RSU1: variants seen among roughly 807,000 people sequenced by gnomAD.
RSU1 encodes rsu-1.
A neutral mutation model predicts 31.1 loss-of-function variants in RSU1; 26 were observed. The observed-to-expected ratio is 0.84, with a 90% confidence interval of 0.61 to 1.16. The LOEUF is 1.16. Among genes scored for constraint, RSU1 ranks in the 50% most tolerant of loss-of-function variants. The pLI is 0.00. For synonymous variants in RSU1, 164 were observed against 136.3 expected, an observed-to-expected ratio of 1.20 and a Z score of -1.41; for missense variants, 320 against 339.1, an observed-to-expected ratio of 0.94 and a Z score of 0.44.
chr10:16,641,652 T>C (rs982970577), intron 8 of RSU1, among the ~76,000 whole-genome samples: 4 of 152,160 alleles, frequency 2.6e-5, no homozygotes, highest in Admixed American at 2.6e-4. Flanking sequence ...CAGGCCAGAT[T>C]TCCATTGCCA....
chr10:16,745,347 G>C (rs1836829279), intron 7 of RSU1, among the ~76,000 whole-genome samples: 1 of 152,120 alleles, frequency 6.6e-6, no homozygotes, highest in African/African-American at 2.4e-5. Context: ...TTTTACATGA[G>C]GTGTAGAAGG....
At chr10:16,683,295 G>A (rs909394657) in intron 8 of RSU1, among the ~76,000 whole-genome samples, 15 of 152,000 alleles carry the variant, frequency 9.9e-5, no homozygotes, top group African/African-American at 3.4e-4. Context: ...AGAGGAAAAT[G>A]AAGGAACAAA....
intron 8 of RSU1, among the ~76,000 whole-genome samples, chr10:16,617,148 A>G (rs1322902618): frequency 6.6e-6 from 1 of 152,252 alleles, no homozygotes; most frequent in Non-Finnish European, 1.5e-5. Context: ...CTCAAGATAC[A>G]AAATCAATGT....
rs566476987 is a variant in RSU1 at position 16,804,654 on chromosome 10, G to A, written c.109+12319C>T. 1.2e-4 allele frequency among the ~76,000 whole-genome samples: 19 copies of A among 152,218 alleles called. No homozygotes were observed. The South Asian group carries it at 2.3e-3, about 18-fold the overall frequency. On this transcript the variant is annotated intron_variant, in intron 2 of 8. Transcript: ENST00000345264. ...CACTGCTAAAAAGAAATGAGCTATC[G>A]AACCACAAAAAGACATGGCGGAATC... is the stretch of plus-strand genomic sequence containing the variant.
chr10:16,616,922 C>T (rs951688464), intron 8 of RSU1, among the ~76,000 whole-genome samples: 5 of 152,158 alleles, frequency 3.3e-5, no homozygotes, highest in Admixed American at 2.0e-4. Context: ...CGGGTATTCC[C>T]TTTGAAAAAT....
chr10:16,757,585 C>T (rs1322090867), intron 4 of RSU1, among the ~76,000 whole-genome samples: 1 of 152,162 alleles, frequency 6.6e-6, no homozygotes, highest in Non-Finnish European at 1.5e-5. Flanking sequence ...AACTACCTTG[C>T]AATACAGGTA....
At chr10:16,626,158 A>G (rs1834156143) in intron 8 of RSU1, among the ~76,000 whole-genome samples, 2 of 150,374 alleles carry the variant, frequency 1.3e-5, no homozygotes, top group Non-Finnish European at 3.0e-5. Flanking sequence ...TGATCCTCCC[A>G]TCTCGCCTCC....
At chr10:16,742,800 A>C (rs1836779123) in intron 7 of RSU1, among the ~76,000 whole-genome samples, 2 of 152,216 alleles carry the variant, frequency 1.3e-5, no homozygotes, top group Non-Finnish European at 2.9e-5. Flanking sequence ...CCTGAAATTT[A>C]TACTACAAAA....
In RSU1 at chr10:16,782,023, A is replaced by T; in HGVS notation, c.160+11T>A. Reference sequence around the variant, plus strand: ...TGTCAGAAACTGTAACAAATGAGAAACATCACTTACTTGTTAGCTTGTTAT... The same window carrying T: ...TGTCAGAAACTGTAACAAATGAGAATCATCACTTACTTGTTAGCTTGTTAT... On this transcript the variant is annotated intron_variant, in intron 3 of 8. Coordinates refer to ENST00000345264, the MANE Select transcript of RSU1 (RefSeq NM_012425.4). 1 of 1,611,830 alleles carries T rather than the reference A, an allele frequency of 6.2e-7. No homozygotes were observed.
At chr10:16,796,016 T>C (rs7082536) in intron 2 of RSU1, among the ~76,000 whole-genome samples, 66,443 of 151,848 alleles carry the variant, frequency 0.44, 17,430 homozygotes, top group African/African-American at 0.75. Flanking sequence ...AACCTTCTTT[T>C]CAAGCAGGAG....
chr10:16,631,950 G>A (rs1276705474), intron 8 of RSU1, among the ~76,000 whole-genome samples: 3 of 152,174 alleles, frequency 2.0e-5, no homozygotes, highest in Admixed American at 6.5e-5. Context: ...TGGCAAATGT[G>A]ATTGATTCTG....
At chr10:16,712,280 G>T (rs1588486551) in intron 7 of RSU1, among the ~76,000 whole-genome samples, 1 of 152,038 alleles carries the variant, frequency 6.6e-6, no homozygotes, top group Admixed American at 6.6e-5. Context: ...TTTAAAACCT[G>T]TTCGACCACT....
intron 8 of RSU1, among the ~76,000 whole-genome samples, chr10:16,632,714 A>C (rs1403006769): frequency 6.6e-6 from 1 of 152,114 alleles, no homozygotes; most frequent in East Asian, 1.9e-4. Context: ...CGAGATGGGC[A>C]TATCACTTGA....
At chr10:16,780,271 T>C (rs1018739890) in intron 3 of RSU1, among the ~76,000 whole-genome samples, 1 of 152,242 alleles carries the variant, frequency 6.6e-6, no homozygotes, top group Non-Finnish European at 1.5e-5. Context: ...GCTTTCTTCC[T>C]GTTGGAGACA....
chr10:16,616,331 C>G (rs1833975671), intron 8 of RSU1, among the ~76,000 whole-genome samples: 1 of 110,412 alleles, frequency 9.1e-6, no homozygotes. Flanking sequence ...AGACCAATAA[C>G]AAATTCTGAA....
chr10:16,771,627 T>C (rs183721688), intron 3 of RSU1, among the ~76,000 whole-genome samples: 81 of 152,336 alleles, frequency 5.3e-4, no homozygotes, highest in Admixed American at 4.1e-3. Context: ...TCATTTGTAG[T>C]TATAGTGATT....
At position 16,730,201 on chromosome 10, in the gene RSU1, T is replaced by C. The variant is rs60659070; in HGVS notation, c.598+22338A>G. ...TAAAGCAAGACCTCACTGGTTACCATGAGGACACACCAAGCCATTCAAGAG... is the reference window on the plus strand; with the variant it reads ...TAAAGCAAGACCTCACTGGTTACCACGAGGACACACCAAGCCATTCAAGAG... On this transcript the variant is annotated intron_variant, in intron 7 of 8. Coordinates refer to ENST00000345264, the MANE Select transcript of RSU1 (RefSeq NM_012425.4). Among the ~76,000 whole-genome samples, 1,041 of 152,222 alleles carry C rather than the reference T, an allele frequency of 6.8e-3. 11 individuals carry two copies. Among genetic ancestry groups the C allele is most frequent in the South Asian group, 0.022 (108 of 4,824 alleles).
intron 2 of RSU1, among the ~76,000 whole-genome samples, chr10:16,799,380 C>G (rs937630840): frequency 6.6e-6 from 1 of 152,160 alleles, no homozygotes; most frequent in African/African-American, 2.4e-5. Flanking sequence ...TAGAGACAGG[C>G]AAACACAGAG....
At chr10:16,684,373 G>A (rs1214208582) in intron 8 of RSU1, among the ~76,000 whole-genome samples, 2 of 152,120 alleles carry the variant, frequency 1.3e-5, no homozygotes, top group Non-Finnish European at 2.9e-5. Flanking sequence ...CAACTCTCTA[G>A]ATACGAATTT....
Sources: allele counts gnomAD v4.1 joint callset (sites outside exome capture counted in the v4.1 genomes callset), GRCh38; gene constraint gnomAD v4.1.1; transcripts MANE v1.5; gene names NCBI Gene and HGNC (gene_info 2026-07-23, HGNC 2026-07-21).